Variants in WDR76 observed in about 807,000 individuals in gnomAD.
WDR76 encodes WD repeat-containing protein 76.
Under a neutral mutation model 70.2 loss-of-function variants are expected in WDR76, and 52 were observed. The observed-to-expected ratio is 0.74, with a 90% CI of 0.59 to 0.93. The LOEUF is 0.93. Ranked by LOEUF, WDR76 falls within the 40% of genes least tolerant of loss-of-function variation. WDR76 has a pLI of 0.00. For synonymous variants in WDR76, 292 were observed against 271.1 expected (o/e 1.08, Z -0.76); for missense variants, 756 against 760.2 (o/e 0.99, Z 0.07).
chr15:43,849,683 G>A (rs905954631), intron 8 of WDR76, among the ~76,000 whole-genome samples: 6 of 152,072 alleles, frequency 3.9e-5, no homozygotes, highest in Admixed American at 2.6e-4. Flanking sequence ...AATTACAGGT[G>A]TCTGCCACCA....
chr15:43,846,756 T>C (rs1165167088), intron 8 of WDR76, among the ~76,000 whole-genome samples: 3 of 151,826 alleles, frequency 2.0e-5, no homozygotes, highest in Non-Finnish European at 4.4e-5. Context: ...ACGCGGTGGC[T>C]CACACCTGTG....
chr15:43,841,598 C>T (rs530936987), intron 5 of WDR76, among the ~76,000 whole-genome samples: 1 of 152,220 alleles, frequency 6.6e-6, no homozygotes, highest in Admixed American at 6.5e-5. Flanking sequence ...CCTCAGCCTC[C>T]CAAAGTGCAG....
At chr15:43,836,924 C>T (rs1233136858) in intron 4 of WDR76, among the ~76,000 whole-genome samples, 1 of 150,984 alleles carries the variant, frequency 6.6e-6, no homozygotes, top group Non-Finnish European at 1.5e-5. Flanking sequence ...GTCTGAATCC[C>T]AGCTACTCAA....
chr15:43,827,302 T>C (rs2087529705), intron 1 of WDR76, among the ~76,000 whole-genome samples: 1 of 152,162 alleles, frequency 6.6e-6, no homozygotes, highest in Non-Finnish European at 1.5e-5. Flanking sequence ...TTCTTCAACC[T>C]TCTGCGTTTT....
rs540094359 is a variant in WDR76, at chr15:43,858,313, G to A, written c.1410-358G>A. Among the ~76,000 whole-genome samples, 307 of 145,642 alleles carry A rather than the reference G, an allele frequency of 2.1e-3. 1 individual carries two copies. Among genetic ancestry groups the A allele is most frequent in the African/African-American group, 7.2e-3 (289 of 40,112 alleles). ...CTTGTTGCCCAGGCTGGAGTGCAAT[G>A]GCGCGATCTCGGCTCACTGCAACCT... is the stretch of plus-strand genomic sequence containing the variant. On this transcript the variant is annotated intron_variant, in intron 10 of 12. Transcript: ENST00000263795.
At chr15:43,863,118 T>A (rs1814795707) in intron 12 of WDR76, among the ~76,000 whole-genome samples, 1 of 152,162 alleles carries the variant, frequency 6.6e-6, no homozygotes, top group Non-Finnish European at 1.5e-5. Context: ...GTATTTTTTT[T>A]AGTAGAGACA....
At position 43,866,437 on chromosome 15, in the gene WDR76, T is replaced by A. The variant is rs908127469; in HGVS notation, c.*45T>A. ...CAATTTGTTCAAATTGACCACTGTC[T>A]AAGGAGCCTAGTAATCGGCGTGCCT... On this transcript the variant is annotated 3_prime_UTR_variant, in exon 13 of 13. Transcript: ENST00000263795. 3 of 1,603,924 alleles carry A rather than the reference T, an allele frequency of 1.9e-6. No homozygotes were observed. In the Admixed American group the frequency reaches 5.0e-5, roughly 27 times the overall value.
intron 3 of WDR76, among the ~76,000 whole-genome samples, chr15:43,835,642 A>C (rs2087646299): frequency 6.6e-6 from 1 of 151,486 alleles, no homozygotes; most frequent in South Asian, 2.1e-4. Context: ...GTTGATTCTA[A>C]GGCATTATTT....
At chr15:43,859,834 C>T (rs1172053650) in intron 11 of WDR76, among the ~76,000 whole-genome samples, 1 of 152,174 alleles carries the variant, frequency 6.6e-6, no homozygotes, top group Non-Finnish European at 1.5e-5. Flanking sequence ...ACTCTAGTGC[C>T]AGCAAACCAC....
intron 5 of WDR76, among the ~76,000 whole-genome samples, chr15:43,840,892 C>G (rs186245179): frequency 6.6e-6 from 1 of 151,936 alleles, no homozygotes; most frequent in Non-Finnish European, 1.5e-5. Flanking sequence ...GAGGTGGGAG[C>G]ATCACTTGAG....
intron 9 of WDR76, among the ~76,000 whole-genome samples, chr15:43,852,516 C>T (rs529286598): frequency 6.6e-6 from 1 of 152,166 alleles, no homozygotes; most frequent in Non-Finnish European, 1.5e-5. Flanking sequence ...GGACTACAGG[C>T]GCATGCCACC....
At chr15:43,831,841 GTT>G (rs943153573) in intron 2 of WDR76, among the ~76,000 whole-genome samples, 1 of 144,430 alleles carries the variant, frequency 6.9e-6, no homozygotes, top group Admixed American at 6.9e-5. Context: ...AAATTTTTTT[GTT>G]TTTTTTTTTG....
Position 43,832,743 on chromosome 15 carries a change from GTTTTTTTTT to G in WDR76, c.463-2299_463-2291del, listed in dbSNP as rs201304087. Reference sequence around the variant, plus strand: ...TGAGCCATTGCACCCGGCTTGCTTTGTTTTTTTTTTTTTTTTTTTTTTTTTTTGAGACAG... The same window carrying G: ...TGAGCCATTGCACCCGGCTTGCTTTGTTTTTTTTTTTTTTTTTTGAGACAG... On this transcript the variant is annotated intron_variant, in intron 2 of 12. Transcript: ENST00000263795. 2.8e-4 allele frequency among the ~76,000 whole-genome samples: 19 copies of G among 68,070 alleles called. No individual in the cohort carries two copies. The Admixed American group carries it at 3.1e-3, about 11-fold the overall frequency. The allele number at this position is 68,070 out of a possible 152,430, so 44.7% of individuals were successfully genotyped here.
intron 8 of WDR76, among the ~76,000 whole-genome samples, chr15:43,847,464 C>G (rs559611650): frequency 6.6e-6 from 1 of 151,822 alleles, no homozygotes; most frequent in African/African-American, 2.4e-5. Context: ...CTCTGTTGCC[C>G]AGGCTGGCAT....
chr15:43,853,006 A>C (rs1367774397), intron 9 of WDR76, among the ~76,000 whole-genome samples: 1 of 152,100 alleles, frequency 6.6e-6, no homozygotes, highest in Non-Finnish European at 1.5e-5. Context: ...CTCCTGCCTC[A>C]TCCTCCTGAG....
At chr15:43,829,090 C>T (rs924627859) in intron 2 of WDR76, among the ~76,000 whole-genome samples, 8 of 151,712 alleles carry the variant, frequency 5.3e-5, no homozygotes, top group East Asian at 1.9e-4. Context: ...TTAGTAGAGA[C>T]GGGGTTTCAC....
At chr15:43,866,010 T>A in intron 12 of WDR76, 118 bp from the exon 13 acceptor site, 1 of 1,258,980 alleles carries the variant, frequency 7.9e-7, no homozygotes, top group Non-Finnish European at 1.1e-6. Context: ...AGTAACTTAA[T>A]GAGAAGAAAC....
chr15:43,841,169 T>C (rs2087719489), intron 5 of WDR76, among the ~76,000 whole-genome samples: 1 of 150,626 alleles, frequency 6.6e-6, no homozygotes, highest in Non-Finnish European at 1.5e-5. Flanking sequence ...TGTAGGTGTG[T>C]GCTACCACGC....
intron 2 of WDR76, among the ~76,000 whole-genome samples, 194 bp from the exon 3 acceptor site, chr15:43,834,867 T>TG (rs34661776): frequency 1.3e-5 from 2 of 152,158 alleles, no homozygotes; most frequent in Admixed American, 6.6e-5. Context: ...ACAGATATTT[T>TG]GGGGGTATCC....
Sources: allele counts gnomAD v4.1 joint callset (sites outside exome capture counted in the v4.1 genomes callset), GRCh38; gene constraint gnomAD v4.1.1; transcripts MANE v1.5; gene names NCBI Gene and HGNC (gene_info 2026-07-23, HGNC 2026-07-21).